WASL: variants seen among roughly 807,000 people sequenced by gnomAD.
The protein encoded by WASL is WASP like actin nucleation promoting factor, also known as actin nucleation-promoting factor WASL.
A neutral mutation model predicts 55.5 loss-of-function variants in WASL; 20 were observed. The ratio of observed to expected loss-of-function variants is 0.36; its 90% CI spans 0.25 to 0.52. The LOEUF is 0.52. Ranked by LOEUF, WASL falls within the 20% of genes least tolerant of loss-of-function variation. The pLI is 0.92. For synonymous variants in WASL, 249 were observed against 217.6 expected (o/e 1.14, Z -1.27); for missense variants, 504 against 622.5 (o/e 0.81, Z 2.03).
chr7:123,709,143 A>G lies in WASL; in HGVS notation c.198T>C (p.Cys66=), dbSNP rs763884982. ...MWSKKCSGVA[C]LVKDNPQRSY... ...ATCTCTGTGGATTGTCCTTAACAAGACAAGCAACACCACTGCACTTCTTTG... is the reference window on the plus strand; with the variant it reads ...ATCTCTGTGGATTGTCCTTAACAAGGCAAGCAACACCACTGCACTTCTTTG... The change falls in exon 2 of 11, where the codon TGT becomes TGC. Residue 66 remains cysteine, a synonymous_variant. Coordinates refer to ENST00000223023, the MANE Select transcript of WASL (RefSeq NM_003941.4). 1 of 1,613,134 alleles carries G rather than the reference A, an allele frequency of 6.2e-7. No homozygotes were observed. The highest frequency in any genetic ancestry group is 8.5e-7 in the Non-Finnish European group (1 of 1,179,362).
chr7:123,745,037 CAG>C (rs1804409142), intron 1 of WASL, among the ~76,000 whole-genome samples: 1 of 152,098 alleles, frequency 6.6e-6, no homozygotes, highest in South Asian at 2.1e-4. Context: ...ATCACCAATC[CAG>C]AGTCTCATTA....
chr7:123,713,868 GAAAAATACAGTT>G (rs1341707873), intron 1 of WASL, among the ~76,000 whole-genome samples: 1 of 152,186 alleles, frequency 6.6e-6, no homozygotes, highest in Non-Finnish European at 1.5e-5. Flanking sequence ...AACGTGGATT[GAAAAATACAGTT>G]ATTAGCAGGA....
intron 1 of WASL, among the ~76,000 whole-genome samples, chr7:123,719,163 TG>T (rs1803894231): frequency 6.6e-6 from 1 of 152,324 alleles, no homozygotes; most frequent in African/African-American, 2.4e-5. Flanking sequence ...CTTGTTAAAA[TG>T]AAGTCAATAT....
intron 8 of WASL, 52 bp downstream of exon 8, chr7:123,694,663 T>C: frequency 6.3e-7 from 1 of 1,595,952 alleles, no homozygotes; most frequent in Middle Eastern, 1.7e-4. Flanking sequence ...TCCATGAAAC[T>C]GACCTCAAAA....
chr7:123,740,039 C>T (rs1804309520), intron 1 of WASL, among the ~76,000 whole-genome samples: 1 of 151,862 alleles, frequency 6.6e-6, no homozygotes, highest in Non-Finnish European at 1.5e-5. Flanking sequence ...CCCTCATATT[C>T]CAAGATACTG....
At chr7:123,736,709 TAAGAA>T (rs1405332732) in intron 1 of WASL, among the ~76,000 whole-genome samples, 1 of 152,118 alleles carries the variant, frequency 6.6e-6, no homozygotes, top group Non-Finnish European at 1.5e-5. Flanking sequence ...AATGTATATA[TAAGAA>T]AAGTATAAAA....
At chr7:123,721,600 T>A (rs1803944799) in intron 1 of WASL, among the ~76,000 whole-genome samples, 1 of 152,184 alleles carries the variant, frequency 6.6e-6, no homozygotes, top group African/African-American at 2.4e-5. Context: ...TTCTCAAGTT[T>A]TGTTTTTAAG....
intron 9 of WASL, among the ~76,000 whole-genome samples, chr7:123,692,114 T>C (rs907661394): frequency 2.0e-5 from 3 of 152,138 alleles, no homozygotes; most frequent in African/African-American, 7.2e-5. Context: ...GTGACAGAAA[T>C]ACCCTACATT....
At chr7:123,730,089 T>TA (rs1314900925) in intron 1 of WASL, among the ~76,000 whole-genome samples, 8 of 152,144 alleles carry the variant, frequency 5.3e-5, no homozygotes, top group African/African-American at 1.9e-4. Context: ...AAGAAAAAAA[T>TA]ACAACAACCT....
chr7:123,706,575 C>G (rs1414697778), intron 3 of WASL, among the ~76,000 whole-genome samples, 165 bp downstream of exon 3: 1 of 151,980 alleles, frequency 6.6e-6, no homozygotes, highest in African/African-American at 2.4e-5. Context: ...AGAGAAGTTA[C>G]CTATCACAGC....
chr7:123,702,612 T>C (rs1803609940), intron 5 of WASL, among the ~76,000 whole-genome samples: 2 of 152,224 alleles, frequency 1.3e-5, no homozygotes, highest in African/African-American at 4.8e-5. Flanking sequence ...CAGAACATTC[T>C]TGCTATTATT....
At position 123,748,674 on chromosome 7, in the gene WASL, A is replaced by ACAG; in HGVS notation, c.58_60dup (p.Leu22dup). On this transcript the variant is annotated inframe_insertion, in exon 1 of 11. Transcript: ENST00000223023. The stretch of plus-strand genomic sequence containing the variant: ...GACTCGTTCTCCTGCGGGGTGAGCA[A>ACAG]CAGGGACCCCACGTTGGTGACCCTC... The ACAG allele has an allele frequency of 6.2e-7, 1 of 1,612,848 alleles. No individual in the cohort carries two copies. The highest frequency in any genetic ancestry group is 8.5e-7 in the Non-Finnish European group (1 of 1,179,508).
chr7:123,689,800 T>TTA lies in WASL; in HGVS notation c.1348-652_1348-651dup, dbSNP rs1390829256. ...GCATTCATGAAAAAAAAAATTATAA[T>TTA]TAAAGATGAAACAGCATAGCTGTAT... On this transcript the variant is annotated intron_variant, in intron 9 of 10. Transcript: ENST00000223023. Among the ~76,000 whole-genome samples, 45 of 45,894 alleles carry TTA rather than the reference T, an allele frequency of 9.8e-4. No homozygotes were observed. In the South Asian group the frequency reaches 0.015, roughly 15 times the overall value. 30.1% of individuals were successfully genotyped at this position (45,894 alleles called of 152,430 possible).
chr7:123,711,404 T>C (rs1230024307), intron 1 of WASL, among the ~76,000 whole-genome samples: 1 of 152,176 alleles, frequency 6.6e-6, no homozygotes, highest in Non-Finnish European at 1.5e-5. Flanking sequence ...GATACTGCAT[T>C]ATAAACATTA....
At chr7:123,708,796 G>A (rs1315724678) in intron 2 of WASL, among the ~76,000 whole-genome samples, 2 of 150,338 alleles carry the variant, frequency 1.3e-5, no homozygotes, top group South Asian at 4.2e-4. Flanking sequence ...AAAAAATACA[G>A]AGTGTAAAGA....
chr7:123,704,968 G>T (rs530128896), intron 4 of WASL, among the ~76,000 whole-genome samples: 1 of 152,276 alleles, frequency 6.6e-6, no homozygotes, highest in East Asian at 1.9e-4. Flanking sequence ...ACAGGCCATG[G>T]TTAAGGACTA....
intron 1 of WASL, among the ~76,000 whole-genome samples, chr7:123,719,943 A>G (rs1203578008): frequency 6.6e-6 from 1 of 152,184 alleles, no homozygotes; most frequent in Non-Finnish European, 1.5e-5. Context: ...GAGTTCCCAT[A>G]GTGCCTAGGA....
At chr7:123,727,645 T>C (rs968587062) in intron 1 of WASL, among the ~76,000 whole-genome samples, 2 of 152,122 alleles carry the variant, frequency 1.3e-5, no homozygotes, top group African/African-American at 4.8e-5. Flanking sequence ...TGGACGAAGA[T>C]AGGAGAGAGG....
Position 123,692,691 on chromosome 7 carries a change from G to T in WASL, c.1003C>A (p.Pro335Thr). 1 of 1,529,314 alleles carries T rather than the reference G, an allele frequency of 6.5e-7. No individual in the cohort carries two copies. The highest frequency in any genetic ancestry group is 8.8e-7 in the Non-Finnish European group (1 of 1,141,334). The allele number at this position is 1,529,314 out of a possible 1,614,324, so 94.7% of individuals were successfully genotyped here. A position where few individuals can be genotyped will look rare whatever the true frequency, so the allele number is the denominator to read the frequency against. The change falls in exon 9 of 11, where the codon CCT becomes ACT. Residue 335 changes from proline to threonine, a missense_variant. Transcript: ENST00000223023. Reference sequence around the variant, plus strand: ...TACATCCTATTTGGCGGTGGTGGAGGGACTGCTACACTTGGCCTGGAAGGA... The same window carrying T: ...TACATCCTATTTGGCGGTGGTGGAGTGACTGCTACACTTGGCCTGGAAGGA... ...PPPSRPSVAV[P>T]PPPPNRMYPP...
Sources: allele counts gnomAD v4.1 joint callset (sites outside exome capture counted in the v4.1 genomes callset), GRCh38; gene constraint gnomAD v4.1.1; transcripts MANE v1.5; gene names NCBI Gene and HGNC (gene_info 2026-07-23, HGNC 2026-07-21).